Variants in QTMAN observed in about 807,000 individuals in gnomAD.
The protein encoded by QTMAN is tRNA-queuosine alpha-mannosyltransferase.
chr2:144,179,394 C>T, the QTMAN span, among the ~76,000 whole-genome samples: 2 of 152,100 alleles, frequency 1.3e-5, no homozygotes, highest in Non-Finnish European at 2.9e-5. Context: ...ATATTCACTG[C>T]CACTTTCTAT....
At chr2:144,038,366 T>A in the QTMAN span, among the ~76,000 whole-genome samples, 15,474 of 152,152 alleles carry the variant, frequency 0.1, 1,193 homozygotes, top group East Asian at 0.26. Context: ...ATATGTGTGT[T>A]ATATATACGT....
the QTMAN span, among the ~76,000 whole-genome samples, chr2:144,136,733 G>A: frequency 3.3e-5 from 5 of 151,996 alleles, no homozygotes; most frequent in African/African-American, 2.4e-5. Flanking sequence ...GGAGTTCCAC[G>A]GGAAATCTGT....
chr2:143,973,745 C>T, the QTMAN span, among the ~76,000 whole-genome samples: 4 of 150,550 alleles, frequency 2.7e-5, no homozygotes, highest in African/African-American at 9.8e-5. Flanking sequence ...GTCGAGATCG[C>T]GCCACTGCAC....
chr2:144,261,579 A>G, the QTMAN span, among the ~76,000 whole-genome samples: 1 of 152,192 alleles, frequency 6.6e-6, no homozygotes, highest in African/African-American at 2.4e-5. Flanking sequence ...AAAAAGTGGT[A>G]AGCATTCTCA....
At chr2:143,980,036 A>C in the QTMAN span, among the ~76,000 whole-genome samples, 1 of 152,008 alleles carries the variant, frequency 6.6e-6, no homozygotes, top group Admixed American at 6.6e-5. Flanking sequence ...TTGTTTTTCA[A>C]ATTTTAAGTT....
the QTMAN span, chr2:143,952,891 C>A: frequency 3.5e-6 from 4 of 1,126,856 alleles, no homozygotes; most frequent in Non-Finnish European, 5.3e-6. Context: ...AAAGACATTA[C>A]CATCATAGCC....
At chr2:144,297,287 G>C in the QTMAN span, among the ~76,000 whole-genome samples, 20,219 of 152,090 alleles carry the variant, frequency 0.13, 2,357 homozygotes, top group African/African-American at 0.32. Context: ...TTCAGACATT[G>C]TTTTAAAAGT....
the QTMAN span, among the ~76,000 whole-genome samples, chr2:144,331,538 A>T: frequency 6.6e-6 from 1 of 151,958 alleles, no homozygotes; most frequent in South Asian, 2.1e-4. Context: ...AAAGCTGTAA[A>T]AGCCTTCTCT....
chr2:144,232,514 T>C, the QTMAN span, among the ~76,000 whole-genome samples: 132 of 152,332 alleles, frequency 8.7e-4, no homozygotes, highest in African/African-American at 3.0e-3. Flanking sequence ...TTTGTTACAC[T>C]GTTACAAAAA....
the QTMAN span, among the ~76,000 whole-genome samples, chr2:143,973,784 G>A: frequency 2.8e-5 from 4 of 142,040 alleles, no homozygotes; most frequent in African/African-American, 8.2e-5. Flanking sequence ...GCGAAACTCC[G>A]TCTCAAAAAA....
chr2:144,172,807 T>C, the QTMAN span, among the ~76,000 whole-genome samples: 3 of 152,054 alleles, frequency 2.0e-5, no homozygotes, highest in Non-Finnish European at 4.4e-5. Flanking sequence ...CCTAAGATTA[T>C]GCCTTACCTA....
the QTMAN span, chr2:143,941,003 T>A: frequency 6.6e-6 from 1 of 152,230 alleles, no homozygotes; most frequent in Non-Finnish European, 1.5e-5. Flanking sequence ...TTAACACGTT[T>A]CTTCTTACAG....
chr2:143,940,886 T>C, the QTMAN span: 1 of 152,250 alleles, frequency 6.6e-6, no homozygotes, highest in African/African-American at 2.4e-5. Context: ...TCTGAACTTT[T>C]AGTACAGAAA....
the QTMAN span, among the ~76,000 whole-genome samples, chr2:144,206,085 T>C: frequency 1.3e-5 from 2 of 152,186 alleles, no homozygotes; most frequent in African/African-American, 2.4e-5. Flanking sequence ...CTTTTAATAA[T>C]AAAATACTTT....
chr2:144,195,870 A>G, the QTMAN span, among the ~76,000 whole-genome samples: 3 of 152,130 alleles, frequency 2.0e-5, no homozygotes, highest in Non-Finnish European at 4.4e-5. Context: ...AAATAACTGC[A>G]TAATCCTAAA....
At chr2:143,991,108 C>T in the QTMAN span, among the ~76,000 whole-genome samples, 1 of 151,754 alleles carries the variant, frequency 6.6e-6, no homozygotes, top group Non-Finnish European at 1.5e-5. Context: ...TGAAAAAAAG[C>T]TTAAAAATAT....
chr2:144,088,489 C>G, the QTMAN span, among the ~76,000 whole-genome samples: 1 of 151,964 alleles, frequency 6.6e-6, no homozygotes, highest in Non-Finnish European at 1.5e-5. Context: ...TTATATGGAA[C>G]TAAAAAAGAG....
chr2:144,111,152 G>C, the QTMAN span, among the ~76,000 whole-genome samples: 2 of 151,666 alleles, frequency 1.3e-5, no homozygotes, highest in Non-Finnish European at 2.9e-5. Flanking sequence ...TTCGTACTGA[G>C]AGCCTGTCAT....
chr2:144,076,695 AAAAGAG>A, the QTMAN span, among the ~76,000 whole-genome samples: 1 of 152,224 alleles, frequency 6.6e-6, no homozygotes, highest in African/African-American at 2.4e-5. Context: ...AATTCTTAGA[AAAAGAG>A]AAAAACAGGA....
Sources: gnomAD v4.1 joint callset for allele counts (sites outside exome capture counted in the v4.1 genomes callset) on GRCh38, gnomAD v4.1.1 for gene constraint, MANE v1.5 for transcripts, NCBI Gene and HGNC (gene_info 2026-07-23, HGNC 2026-07-21) for gene names.